The following CA5B variants were observed in gnomAD, a reference collection of about 807,000 sequenced individuals.
CA5B encodes the protein carbonic anhydrase 5B, also known as carbonic anhydrase 5B, mitochondrial.
In CA5B, 15 loss-of-function variants were observed where a neutral mutation model predicts 23.1. That is an observed-to-expected ratio of 0.65 (90% CI 0.43 to 1.00). CA5B has a LOEUF of 1.00. Among genes scored for constraint, CA5B ranks in the 50% least tolerant of loss-of-function variants. The pLI is 0.00. For synonymous variants in CA5B, 84 were observed against 98.5 expected (o/e 0.85, Z 0.87); for missense variants, 236 against 252.2 (o/e 0.94, Z 0.43).
chrX:15,740,379 T>C (rs1355338394), intron 1 of CA5B, among the ~76,000 whole-genome samples: 1 of 112,806 alleles, frequency 8.9e-6, no homozygotes, highest in African/African-American at 3.2e-5. Flanking sequence ...TAAGTTTAAA[T>C]AACCAACTCT....
rs192589298 is a variant in CA5B, at chrX:15,752,585, C to T, written c.142+2420C>T. On this transcript the variant is annotated intron_variant, in intron 2 of 7. Coordinates refer to ENST00000318636, the MANE Select transcript of CA5B (RefSeq NM_007220.4). ...CTAAAAATACAGAAAATTAGCCAGG[C>T]GTGGTGGTGGGCGCCTGCAGTCCCA... Among the ~76,000 whole-genome samples, 474 of 110,935 alleles carry T rather than the reference C, an allele frequency of 4.3e-3. 1 individual carries two copies. Among genetic ancestry groups the T allele is most frequent in the African/African-American group, 0.014 (426 of 30,504 alleles).
intron 6 of CA5B, chrX:15,776,207 C>G (rs1364019178): frequency 7.5e-6 from 1 of 133,675 alleles, no homozygotes; most frequent in African/African-American, 3.3e-5. Context: ...GGCATGGTGG[C>G]GGGCGCCTGT....
At chrX:15,752,740 C>A (rs956690201) in intron 2 of CA5B, among the ~76,000 whole-genome samples, 16 of 108,894 alleles carry the variant, frequency 1.5e-4, no homozygotes, top group African/African-American at 5.0e-4. Flanking sequence ...AAAAAAAAAT[C>A]TCTGTTAACA....
intron 1 of CA5B, among the ~76,000 whole-genome samples, chrX:15,744,428 A>G (rs778885349): frequency 8.9e-6 from 1 of 112,600 alleles, no homozygotes; most frequent in South Asian, 3.7e-4. Context: ...GCTGGCGGCC[A>G]TGCCCTTGGC....
chrX:15,783,030 C>T lies in CA5B; in HGVS notation c.*366C>T, dbSNP rs1932052787. The T allele has an allele frequency of 1.2e-5, 2 of 166,550 alleles. No homozygotes were observed. The highest frequency in any genetic ancestry group is 2.9e-4 in the South Asian group (1 of 3,484). 13.7% of individuals were successfully genotyped at this position (166,550 alleles called of 1,213,427 possible). The stretch of plus-strand genomic sequence containing the variant: ...AGTAGCTGGGGCTACAGGTGCTGGC[C>T]GCCTGGCCCAGCTTGTAATATCTTT... On this transcript the variant is annotated 3_prime_UTR_variant, in exon 8 of 8. Coordinates refer to ENST00000318636, the MANE Select transcript of CA5B (RefSeq NM_007220.4).
Position 15,764,625 on chromosome X carries a change from C to A in CA5B, c.190C>A (p.Gln64Lys), listed in dbSNP as rs1163845449. The A allele has an allele frequency of 8.5e-7, 1 of 1,181,400 alleles. No homozygotes were observed. The highest frequency in any genetic ancestry group is 2.0e-5 in the South Asian group (1 of 50,554). Residue 64 changes from glutamine (Q) to lysine (K), a missense_variant, in exon 3 of 8, where the codon CAG becomes AAG. Physicochemically the swap from Gln to Lys is moderately conservative, Grantham distance 53. This residue lies in a region of CA5B where 12 missense variants were observed against 43.6 expected (regional missense o/e 0.28). Coordinates refer to ENST00000318636, the MANE Select transcript of CA5B (RefSeq NM_007220.4). ...SVDLVPGGDR[Q>K]SPINIRWRDS... Reference sequence around the variant, plus strand: ...GGACCTGGTTCCTGGGGGCGATCGCCAGTCACCCATCAACATTCGGTGGAG... The same window carrying A: ...GGACCTGGTTCCTGGGGGCGATCGCAAGTCACCCATCAACATTCGGTGGAG...
At chrX:15,758,907 G>A (rs1931546779) in intron 2 of CA5B, among the ~76,000 whole-genome samples, 1 of 111,907 alleles carries the variant, frequency 8.9e-6, no homozygotes, top group African/African-American at 3.3e-5. Flanking sequence ...AAAGCCAGCT[G>A]GCTTACAGAG....
rs576124441 is a variant in CA5B, at chrX:15,759,925, T to C, written c.143-4653T>C. ...GCACCACCACGCCCAGCTAATTTTTTGTATCTTTAGTAGAGATGGGGTTTC... is the reference window on the plus strand; with the variant it reads ...GCACCACCACGCCCAGCTAATTTTTCGTATCTTTAGTAGAGATGGGGTTTC... On this transcript the variant is annotated intron_variant, in intron 2 of 7. Transcript: ENST00000318636. Among the ~76,000 whole-genome samples, 7 of 106,991 alleles carry C rather than the reference T, an allele frequency of 6.5e-5. No homozygotes were observed. The South Asian group carries it at 2.5e-3, about 39-fold the overall frequency. The allele number at this position is 106,991 out of a possible 115,157, so 92.9% of individuals were successfully genotyped here. A position where few individuals can be genotyped will look rare whatever the true frequency, so the allele number is the denominator to read the frequency against.
chrX:15,775,796 T>TTTTTAG, intron 6 of CA5B: 1 of 745,636 alleles, frequency 1.3e-6, no homozygotes, highest in Non-Finnish European at 1.6e-6. Flanking sequence ...CCATATATTC[T>TTTTTAG]CTTCTTCTCC....
chrX:15,749,910 T>A, intron 1 of CA5B, 61 bp from the exon 2 acceptor site: 1 of 900,241 alleles, frequency 1.1e-6, no homozygotes, highest in South Asian at 2.3e-5. Flanking sequence ...CTTAGAGGTT[T>A]CTCCATCATC....
chrX:15,752,731 A>T (rs1011946611), intron 2 of CA5B, among the ~76,000 whole-genome samples: 3 of 111,237 alleles, frequency 2.7e-5, no homozygotes, highest in Non-Finnish European at 5.7e-5. Context: ...TCTCAAAAAA[A>T]AAAAAAATCT....
Position 15,782,891 on chromosome X carries a change from C to A in CA5B, c.*227C>A. 3.2e-6 allele frequency: 1 copy of A among 311,874 alleles called. No homozygotes were observed. Among genetic ancestry groups the A allele is most frequent in the Non-Finnish European group, 5.5e-6 (1 of 181,529 alleles). The allele number at this position is 311,874 out of a possible 1,213,427, so 25.7% of individuals were successfully genotyped here. ...GGTAATTGTAATGCCTTTTTTTTTT[C>A]TTTAAGAGACTAGGTCTTGCTCTGC... On this transcript the variant is annotated 3_prime_UTR_variant, in exon 8 of 8. Transcript: ENST00000318636.
At chrX:15,763,012 A>G (rs1011350521) in intron 2 of CA5B, 2 of 291,031 alleles carry the variant, frequency 6.9e-6, no homozygotes, top group Non-Finnish European at 1.3e-5. Flanking sequence ...TGTGGAGGAT[A>G]AATTATATGT....
At chrX:15,752,064 A>G (rs1274832147) in intron 2 of CA5B, among the ~76,000 whole-genome samples, 1 of 112,009 alleles carries the variant, frequency 8.9e-6, no homozygotes. Flanking sequence ...TACAGCCTCA[A>G]GAGGTCCTGA....
intron 1 of CA5B, among the ~76,000 whole-genome samples, chrX:15,747,519 G>C (rs769955609): frequency 8.2e-5 from 9 of 109,720 alleles, no homozygotes; most frequent in Admixed American, 2.0e-4. Context: ...ATGGCAGGAG[G>C]GGGGGTAGAA....
At position 15,776,068 on chromosome X, in the gene CA5B, G is replaced by C; in HGVS notation, c.619-646G>C. ...AATGCAAAGCCTCCAACCGGGCGCA[G>C]TGGCTCACGCCTGTAATCACAGCAC... On this transcript the variant is annotated intron_variant, in intron 6 of 7. Transcript: ENST00000318636. 4 of 734,483 alleles carry C rather than the reference G, an allele frequency of 5.4e-6. No homozygotes were observed. The East Asian group carries it at 4.6e-4, about 84-fold the overall frequency. The allele number at this position is 734,483 out of a possible 1,213,427, so 60.5% of individuals were successfully genotyped here. A position where few individuals can be genotyped will look rare whatever the true frequency, so the allele number is the denominator to read the frequency against.
At chrX:15,780,460 A>G (rs12851844) in intron 7 of CA5B, among the ~76,000 whole-genome samples, 40,495 of 108,677 alleles carry the variant, frequency 0.37, 6,554 homozygotes, top group Non-Finnish European at 0.5. Context: ...TTTTAGTAGA[A>G]ATGGGGTTTC....
intron 3 of CA5B, among the ~76,000 whole-genome samples, chrX:15,765,925 G>A (rs1293030942): frequency 5.4e-5 from 6 of 110,100 alleles, no homozygotes; most frequent in African/African-American, 2.0e-4. Flanking sequence ...GGGAGGCCGA[G>A]GTGGGTGGAT....
At chrX:15,766,691 A>G (rs780765688) in intron 3 of CA5B, among the ~76,000 whole-genome samples, 7 of 112,136 alleles carry the variant, frequency 6.2e-5, no homozygotes, top group Non-Finnish European at 1.3e-4. Context: ...TTTGGGAAAC[A>G]TTGTTTAAGG....
Sources: gnomAD v4.1 joint callset for allele counts (sites outside exome capture counted in the v4.1 genomes callset) on GRCh38, gnomAD v4.1.1 for gene constraint, gnomAD v4.1.1 regional missense constraint, MANE v1.5 for transcripts, NCBI Gene and HGNC (gene_info 2026-07-23, HGNC 2026-07-21) for gene names.